KIFC3: variants seen among roughly 807,000 people sequenced by gnomAD.
The protein encoded by KIFC3 is kinesin family member C3.
Under a neutral mutation model 101.8 loss-of-function variants are expected in KIFC3, and 60 were observed. The ratio of observed to expected loss-of-function variants is 0.59; its 90% CI spans 0.48 to 0.73. KIFC3 has a LOEUF of 0.73. Ranked by LOEUF, KIFC3 falls within the 30% of genes least tolerant of loss-of-function variation. The probability of loss-of-function intolerance (pLI) is 0.00; values close to 1 mark genes in which losing one functional copy is unlikely to be tolerated. For synonymous variants in KIFC3, 476 were observed against 482.7 expected (o/e 0.99, Z 0.18); for missense variants, 966 against 1,137.1 (o/e 0.85, Z 2.16).
Position 57,758,640 on chromosome 16 carries a change from G to A in KIFC3, c.*294C>T, listed in dbSNP as rs1489502821. On this transcript the variant is annotated 3_prime_UTR_variant, in exon 20 of 20. Coordinates refer to ENST00000445690, the MANE Select transcript of KIFC3 (RefSeq NM_001130100.2). Reference sequence around the variant, plus strand: ...TCCACACTCCCGCCCTCCTCACGGGGCCCAGTTCGCTGATGGCCCAGGCCT... The same window carrying A: ...TCCACACTCCCGCCCTCCTCACGGGACCCAGTTCGCTGATGGCCCAGGCCT... 3 of 700,024 alleles carry A rather than the reference G, an allele frequency of 4.3e-6. No individual in the cohort carries two copies. Among genetic ancestry groups the A allele is most frequent in the Non-Finnish European group, 7.8e-6 (3 of 384,136 alleles). 43.4% of individuals were successfully genotyped at this position (700,024 alleles called of 1,614,324 possible).
At chr16:57,844,520 C>G (rs1409439624) in intron 1 of KIFC3, among the ~76,000 whole-genome samples, 1 of 151,536 alleles carries the variant, frequency 6.6e-6, no homozygotes, top group Non-Finnish European at 1.5e-5. Context: ...CCTCGTGTCT[C>G]TGAGATCAGG....
At chr16:57,771,076 A>T in intron 6 of KIFC3, 122 bp downstream of exon 6, 1 of 1,283,406 alleles carries the variant, frequency 7.8e-7, no homozygotes, top group Non-Finnish European at 1.1e-6. Context: ...ACAGAACTGG[A>T]ATGATTCTTC....
At chr16:57,807,349 A>G (rs962537151), upstream of KIFC3, among the ~76,000 whole-genome samples, 4 of 152,072 alleles carry the variant, frequency 2.6e-5, no homozygotes, top group Non-Finnish European at 4.4e-5. Context: ...CACATGACTC[A>G]CCCTGAGCAC....
rs1460435703 is a variant in KIFC3, at chr16:57,802,155, C to A, written c.-40+215G>T. On this transcript the variant is annotated intron_variant, in intron 1 of 19. Transcript: ENST00000445690. This position sits in a 1 kb window ranked among gnomAD's most constrained non-coding sequence, Gnocchi z 5.0. ...TCCCGTGGGACACGCCGCCCCTGTG[C>A]CCAGCTCCCAGCAAGGTCCTCGACT... Among the ~76,000 whole-genome samples the A allele has an allele frequency of 3.3e-5, 5 of 152,240 alleles. No homozygotes were observed. The highest frequency in any genetic ancestry group is 1.2e-4 in the African/African-American group (5 of 41,474).
intron 2 of KIFC3, among the ~76,000 whole-genome samples, chr16:57,795,884 GTTTTT>G: frequency 1.7e-5 from 1 of 58,792 alleles, no homozygotes. Context: ...GGGCTTTTTT[GTTTTT>G]TTTTTTTTTT....
chr16:57,827,373 T>C (rs1555630968), intron 1 of KIFC3, among the ~76,000 whole-genome samples: 3 of 152,240 alleles, frequency 2.0e-5, no homozygotes, highest in African/African-American at 7.2e-5. Flanking sequence ...GCCAGACAGC[T>C]GAGGGCCCTG....
chr16:57,843,493 G>A (rs2055853019), intron 1 of KIFC3, among the ~76,000 whole-genome samples: 1 of 152,170 alleles, frequency 6.6e-6, no homozygotes, highest in Non-Finnish European at 1.5e-5. Context: ...GCTGGGTTCT[G>A]ATGCCCTGGT....
chr16:57,788,312 G>A (rs1245932866), intron 3 of KIFC3, among the ~76,000 whole-genome samples: 1 of 152,238 alleles, frequency 6.6e-6, no homozygotes, highest in East Asian at 1.9e-4. Flanking sequence ...CCCAGCCCAC[G>A]CTGGCCAAGG....
chr16:57,835,837 C>T (rs547425400), intron 1 of KIFC3, among the ~76,000 whole-genome samples: 6 of 152,160 alleles, frequency 3.9e-5, no homozygotes, highest in Non-Finnish European at 8.8e-5. Flanking sequence ...GTAACCCTAG[C>T]TACTCAGGAG....
At chr16:57,816,967 C>T (rs965593953) in intron 1 of KIFC3, 1 of 332,764 alleles carries the variant, frequency 3.0e-6, no homozygotes, top group African/African-American at 2.2e-5. Context: ...ATGCCGGGCA[C>T]CATGGCATGG....
At position 57,771,626 on chromosome 16, in the gene KIFC3, G is replaced by T; in HGVS notation, c.442C>A (p.Gln148Lys). Residue 148 changes from glutamine (Q) to lysine (K), a missense_variant, in exon 5 of 20, where the codon CAG becomes AAG. Around this residue, in one of 2 missense-constraint regions of KIFC3, gnomAD observed 277 missense variants for 252.5 expected, o/e 1.10. Transcript: ENST00000445690. Reference protein sequence around the residue: ...LLMVENERLRQEMRRCEAELQ... With the variant: ...LLMVENERLRKEMRRCEAELQ... ...TCGGCCTCACAGCGCCGCATCTCCT[G>T]CCTCAGTCGCTCATTCTCCACCATC... 1 of 1,613,286 alleles carries T rather than the reference G, an allele frequency of 6.2e-7. No homozygotes were observed. The highest frequency in any genetic ancestry group is 8.5e-7 in the Non-Finnish European group (1 of 1,179,948).
intron 1 of KIFC3, among the ~76,000 whole-genome samples, chr16:57,828,050 A>G (rs1555631097): frequency 6.6e-6 from 1 of 152,212 alleles, no homozygotes. Context: ...ACCAGTAAGG[A>G]GCAGGCTGGG....
chr16:57,788,824 G>T, intron 3 of KIFC3: 1 of 1,034,186 alleles, frequency 9.7e-7, no homozygotes, highest in Non-Finnish European at 1.3e-6. Context: ...GGGCCCAGCG[G>T]GTCCAGTCCC....
At chr16:57,862,192 G>A (rs1959327233) in intron 1 of KIFC3, among the ~76,000 whole-genome samples, 1 of 99,286 alleles carries the variant, frequency 1.0e-5, no homozygotes, top group Non-Finnish European at 2.1e-5. Flanking sequence ...ACTACATCTG[G>A]CTTTTTTTTT....
chr16:57,824,782 G>C (rs1555630522), intron 1 of KIFC3, among the ~76,000 whole-genome samples: 1 of 152,184 alleles, frequency 6.6e-6, no homozygotes, highest in African/African-American at 2.4e-5. Context: ...ACAAGGTGGG[G>C]AGGCCAGCCC....
intron 6 of KIFC3, 113 bp from the exon 7 acceptor site, chr16:57,770,813 A>G (rs1232994248): frequency 5.1e-6 from 5 of 985,210 alleles, no homozygotes; most frequent in African/African-American, 1.6e-5. Flanking sequence ...CCACTCAGAA[A>G]CCAGAAAAAA....
At chr16:57,805,928 G>A (rs571012674), upstream of KIFC3, among the ~76,000 whole-genome samples, 69 of 152,078 alleles carry the variant, frequency 4.5e-4, no homozygotes, top group Non-Finnish European at 8.1e-4. Flanking sequence ...TAGTAGAGAC[G>A]GGGTTTTGCC....
intron 4 of KIFC3, 114 bp from the exon 5 acceptor site, chr16:57,771,800 AG>A (rs2051259815): frequency 7.8e-7 from 1 of 1,285,812 alleles, no homozygotes; most frequent in Admixed American, 2.8e-5. Flanking sequence ...GTGTGGAGAA[AG>A]GCAGAGGGAA....
chr16:57,803,381 T>A, upstream of KIFC3: 1 of 580,804 alleles, frequency 1.7e-6, no homozygotes, highest in Non-Finnish European at 3.3e-6. Context: ...TCCCTCACTC[T>A]CCACACCCCC....
Sources: allele counts gnomAD v4.1 joint callset (sites outside exome capture counted in the v4.1 genomes callset), GRCh38; gene constraint gnomAD v4.1.1; regional missense constraint gnomAD v4.1.1; non-coding constraint Gnocchi (gnomAD v3.1); transcripts MANE v1.5; gene names NCBI Gene and HGNC (gene_info 2026-07-23, HGNC 2026-07-21).